NT5DC2: variants seen among roughly 807,000 people sequenced by gnomAD.
NT5DC2 encodes the protein 5'-nucleotidase domain containing 2.
Under a neutral mutation model 70.0 loss-of-function variants are expected in NT5DC2, and 41 were observed. That is an observed-to-expected ratio of 0.59 (90% CI 0.46 to 0.76). The LOEUF is 0.76. NT5DC2 is among the 30% of genes least tolerant of loss of function. The pLI is 0.00. For synonymous variants in NT5DC2, 299 were observed against 310.4 expected, an observed-to-expected ratio of 0.96 and a Z score of 0.39; for missense variants, 705 against 783.2, an observed-to-expected ratio of 0.90 and a Z score of 1.19.
chr3:52,533,990 C>G, upstream of NT5DC2: 3 of 324,836 alleles, frequency 9.2e-6, no homozygotes, highest in Non-Finnish European at 1.3e-5. Context: ...GTCTCCGGCG[C>G]GGTCCGGGAG....
At position 52,533,844 on chromosome 3, in the gene NT5DC2, G is replaced by C; in HGVS notation, c.-107C>G. On this transcript the variant is annotated 5_prime_UTR_variant, in exon 1 of 14. Transcript: ENST00000422318. ...GCCACGGTGGCCTCGTGCTCCTCACGGCGGCCGGCCAATGGGTGCGGCGCG... is the reference window on the plus strand; with the variant it reads ...GCCACGGTGGCCTCGTGCTCCTCACCGCGGCCGGCCAATGGGTGCGGCGCG... 5 of 980,736 alleles carry C rather than the reference G, an allele frequency of 5.1e-6. No individual in the cohort carries two copies. The highest frequency in any genetic ancestry group is 6.0e-6 in the Non-Finnish European group (5 of 827,884). The allele number at this position is 980,736 out of a possible 1,614,324, so 60.8% of individuals were successfully genotyped here.
Position 52,527,910 on chromosome 3 carries a change from T to A in NT5DC2, c.854A>T (p.Asp285Val), listed in dbSNP as rs370809301. The change falls in exon 8 of 14, where the codon GAT becomes GTT. Residue 285 changes from aspartate to valine, a missense_variant. Coordinates refer to ENST00000422318, the MANE Select transcript of NT5DC2 (RefSeq NM_001134231.2). ...GCGGCTCAGGACAGCAAACGTCTCA[T>A]CCCCTCTCAGGATGTACTTCTCTAA... ...QDMEKYILRG[D>V]ETFAVLSRLV... 13 of 1,613,512 alleles carry A rather than the reference T, an allele frequency of 8.1e-6. No individual in the cohort carries two copies. Among genetic ancestry groups the A allele is most frequent in the Non-Finnish European group, 1.1e-5 (13 of 1,180,016 alleles).
intron 9 of NT5DC2, 89 bp downstream of exon 9, chr3:52,527,528 G>T (rs957970677): frequency 1.3e-6 from 2 of 1,497,184 alleles, no homozygotes; most frequent in African/African-American, 2.8e-5. Flanking sequence ...AGTGGGCAAG[G>T]GCCAGGTTGG....
chr3:52,533,392 G>T lies in NT5DC2; in HGVS notation c.232+114C>A, dbSNP rs950401747. ...AGCCGCCCGGCCCTTGCGCTCCGGG[G>T]CCCTGGCGAGCCCCACTGGGTGTTT... On this transcript the variant is annotated intron_variant, in intron 1 of 13. Coordinates refer to ENST00000422318, the MANE Select transcript of NT5DC2 (RefSeq NM_001134231.2). 2.8e-5 allele frequency: 32 copies of T among 1,154,226 alleles called. No homozygotes were observed. In the Admixed American group the frequency reaches 5.6e-4, roughly 20 times the overall value. 71.5% of individuals were successfully genotyped at this position (1,154,226 alleles called of 1,614,324 possible). A position where few individuals can be genotyped will look rare whatever the true frequency, so the allele number is the denominator to read the frequency against.
chr3:52,529,176 G>A lies in NT5DC2; in HGVS notation c.391C>T (p.Arg131Cys), dbSNP rs573448959. Residue 131 changes from arginine (R) to cysteine (C), a missense_variant, in exon 2 of 14, where the codon CGT becomes TGT. Coordinates refer to ENST00000422318, the MANE Select transcript of NT5DC2 (RefSeq NM_001134231.2). The surrounding 1 kb of genome is among the most constrained non-coding windows in gnomAD (Gnocchi z 4.1). ...ALHPEIFSTA[R>C]DILIEHYKYP... ...TTGTAGTGCTCGATCAGGATGTCAC[G>A]GGCGGTACTGAAGATCTCGGGGTGC... 1.6e-5 allele frequency: 26 copies of A among 1,614,076 alleles called. 1 individual carries two copies. Among genetic ancestry groups the A allele is most frequent in the South Asian group, 9.9e-5 (9 of 91,068 alleles).
At chr3:52,528,374 G>A (rs878984979) in intron 5 of NT5DC2, 63 bp from the exon 6 acceptor site, 93 of 1,612,978 alleles carry the variant, frequency 5.8e-5, no homozygotes, top group South Asian at 5.7e-4. Flanking sequence ...TGCTGGAGAC[G>A]AGGGCCCCAA....
At position 52,525,274 on chromosome 3, in the gene NT5DC2, G is replaced by GT; in HGVS notation, c.1140dup (p.Arg381ThrfsTer19). On this transcript the variant is annotated frameshift_variant, in exon 11 of 14. Coordinates refer to ENST00000422318, the MANE Select transcript of NT5DC2 (RefSeq NM_001134231.2). LOFTEE classifies it high-confidence loss of function. ...CGGGGGCCACGCCATTCCGTCAAGC[G>GT]TAAGAAGTCAAACAGGTTTCCCTAG... 1 of 1,612,802 alleles carries GT rather than the reference G, an allele frequency of 6.2e-7. No homozygotes were observed. Among genetic ancestry groups the GT allele is most frequent in the Non-Finnish European group, 8.5e-7 (1 of 1,179,904 alleles).
chr3:52,525,139 A>G (rs1559735096), intron 11 of NT5DC2, 36 bp from the exon 12 acceptor site: 1 of 442,392 alleles, frequency 2.3e-6, no homozygotes, highest in Admixed American at 3.0e-5. Context: ...GCTCAGCGCC[A>G]GTTGCTGGGG....
rs762397505 is a variant in NT5DC2 at position 52,527,686 on chromosome 3, T to C, written c.968A>G (p.Asp323Gly). The part of the protein sequence containing the change: ...DKGMRHMVGP[D>G]WRQLFDVVIV... ...GACCACATCGAAGAGCTGGCGCCAA[T>C]CGGGACCCACCATGTGCCGCATCCC... Residue 323 changes from aspartate (D) to glycine (G), a missense_variant, in exon 9 of 14, where the codon GAT becomes GGT. Coordinates refer to ENST00000422318, the MANE Select transcript of NT5DC2 (RefSeq NM_001134231.2). 1.9e-6 allele frequency: 3 copies of C among 1,613,202 alleles called. No individual in the cohort carries two copies. The highest frequency in any genetic ancestry group is 2.5e-6 in the Non-Finnish European group (3 of 1,180,020).
intron 10 of NT5DC2, 81 bp from the exon 11 acceptor site, chr3:52,525,376 C>T (rs1274913197): frequency 2.7e-6 from 3 of 1,114,628 alleles, no homozygotes; most frequent in Non-Finnish European, 4.0e-6. Context: ...CCAGAGGCAG[C>T]CCAAATCCAG....
upstream of NT5DC2, chr3:52,534,707 G>T (rs555177361): frequency 1.9e-6 from 3 of 1,557,730 alleles, no homozygotes; most frequent in African/African-American, 2.7e-5. Context: ...GCTGTGCTCA[G>T]GGTCCGGAGG....
Position 52,524,482 on chromosome 3 carries a change from G to A in NT5DC2, c.1662C>T (p.Ala554=), listed in dbSNP as rs2153234375. The A allele has an allele frequency of 6.2e-7, 1 of 1,612,862 alleles. No individual in the cohort carries two copies. The highest frequency in any genetic ancestry group is 2.2e-5 in the East Asian group (1 of 44,882). ...AATAAAGGTGCCCTCAGCGGATGTG[G>A]GCCATGTCACCAAGGAAGGGGGTCT... ...CMKTPFLGDM[A]HIR is the part of the protein sequence containing the mutation. Residue 554 remains alanine, a synonymous_variant, in exon 14 of 14, where the codon GCC becomes GCT. Transcript: ENST00000422318.
intron 5 of NT5DC2, 50 bp from the exon 6 acceptor site, chr3:52,528,361 C>CA: frequency 1.9e-6 from 3 of 1,613,234 alleles, no homozygotes; most frequent in Admixed American, 3.3e-5. Context: ...CCAACCCCTT[C>CA]AGTGCTGGAG....
At chr3:52,533,326 C>G (rs1473029756) in intron 1 of NT5DC2, among the ~76,000 whole-genome samples, 180 bp downstream of exon 1, 1 of 152,064 alleles carries the variant, frequency 6.6e-6, no homozygotes, top group Non-Finnish European at 1.5e-5. Context: ...TCGGGGCGCC[C>G]CAGAGGCCCC....
intron 8 of NT5DC2, 46 bp from the exon 9 acceptor site, chr3:52,527,764 G>A (rs1559737798): frequency 4.3e-6 from 7 of 1,610,406 alleles, no homozygotes; most frequent in African/African-American, 2.7e-5. Flanking sequence ...GGGCGGCTCC[G>A]TGCCTGCCCT....
Position 52,529,574 on chromosome 3 carries a change from C to T in NT5DC2, c.233-240G>A, listed in dbSNP as rs889879727. Among the ~76,000 whole-genome samples, 1 of 152,052 alleles carries T rather than the reference C, an allele frequency of 6.6e-6. No individual in the cohort carries two copies. The highest frequency in any genetic ancestry group is 2.4e-5 in the African/African-American group (1 of 41,368). ...AGCTCCTCCTCATGGTTACACCTGC[C>T]TACATTACACTATCTCCTATAGCCC... On this transcript the variant is annotated intron_variant, in intron 1 of 13. Coordinates refer to ENST00000422318, the MANE Select transcript of NT5DC2 (RefSeq NM_001134231.2). The surrounding 1 kb of genome is among the most constrained non-coding windows in gnomAD (Gnocchi z 4.1).
chr3:52,534,685 C>G, upstream of NT5DC2: 1 of 1,583,216 alleles, frequency 6.3e-7, no homozygotes, highest in South Asian at 1.2e-5. Context: ...TCCGAGCCCG[C>G]ACGCATACCA....
At chr3:52,524,785 C>T in intron 13 of NT5DC2, 32 bp downstream of exon 13, 1 of 1,612,528 alleles carries the variant, frequency 6.2e-7, no homozygotes, top group Non-Finnish European at 8.5e-7. Context: ...GGTGGCTTGG[C>T]TGGGACTCCT....
intron 6 of NT5DC2, 52 bp downstream of exon 6, chr3:52,528,131 G>A: frequency 6.2e-7 from 1 of 1,613,012 alleles, no homozygotes. Flanking sequence ...CTGTCCCACT[G>A]TGGCTGGACT....
Sources: gnomAD v4.1 joint callset for allele counts (sites outside exome capture counted in the v4.1 genomes callset) on GRCh38, gnomAD v4.1.1 for gene constraint, Gnocchi (gnomAD v3.1) non-coding constraint, MANE v1.5 for transcripts, NCBI Gene and HGNC (gene_info 2026-07-23, HGNC 2026-07-21) for gene names.